Variants in NOC3L observed in about 807,000 individuals in gnomAD.
NOC3L encodes the protein nucleolar complex protein 3 homolog.
A neutral mutation model predicts 102.5 loss-of-function variants in NOC3L; 85 were observed. The observed-to-expected ratio is 0.83, with a 90% confidence interval of 0.70 to 0.99. The LOEUF is 0.99. Among genes scored for constraint, NOC3L ranks in the 50% least tolerant of loss-of-function variants. The pLI, the probability that NOC3L is intolerant of heterozygous loss-of-function variation, is 0.00. For synonymous variants in NOC3L, 303 were observed against 309.4 expected (o/e 0.98, Z 0.22); for missense variants, 878 against 914.9 (o/e 0.96, Z 0.52).
At chr10:94,348,386 G>A (rs1289813695) in intron 10 of NOC3L, among the ~76,000 whole-genome samples, 2 of 151,878 alleles carry the variant, frequency 1.3e-5, no homozygotes, top group Non-Finnish European at 2.9e-5. Context: ...AGAACAATCT[G>A]CAACCTATGT....
chr10:94,338,285 T>G (rs1468127449), intron 18 of NOC3L, among the ~76,000 whole-genome samples: 1 of 152,158 alleles, frequency 6.6e-6, no homozygotes, highest in Admixed American at 6.5e-5. Context: ...TGGATAAGAC[T>G]CAACAGAAAT....
At chr10:94,328,647 G>A (rs1021259547), downstream of NOC3L, 3 of 152,222 alleles carry the variant, frequency 2.0e-5, no homozygotes, top group African/African-American at 7.2e-5. Context: ...CTTAGAATTA[G>A]AAGCTTTGGG....
Position 94,350,124 on chromosome 10 carries a change from T to A in NOC3L, c.1117A>T (p.Met373Leu), listed in dbSNP as rs1246006069. Residue 373 changes from methionine to leucine, a missense_variant, in exon 9 of 21, where the codon ATG becomes TTG. Coordinates refer to ENST00000371361, the MANE Select transcript of NOC3L (RefSeq NM_022451.11). Reference sequence around the variant, plus strand: ...TTACAGCAACTCACCAATTTTGACATGTCATTCATGAGAGGGACAATCAAT... The same window carrying A: ...TTACAGCAACTCACCAATTTTGACAAGTCATTCATGAGAGGGACAATCAAT... ...IVLIVPLMND[M>L]SKLISEMCCE... 1.2e-6 allele frequency: 2 copies of A among 1,613,888 alleles called. No individual in the cohort carries two copies. Among genetic ancestry groups the A allele is most frequent in the Admixed American group, 1.7e-5 (1 of 59,994 alleles).
At chr10:94,349,175 T>C in intron 10 of NOC3L, 75 bp downstream of exon 10, 2 of 1,506,290 alleles carry the variant, frequency 1.3e-6, no homozygotes, top group Non-Finnish European at 8.9e-7. Flanking sequence ...TTATAAGGAA[T>C]AAATTCCTCA....
At position 94,337,830 on chromosome 10, in the gene NOC3L, GA is replaced by G. The variant is rs1473485212; in HGVS notation, c.2135del (p.Ile712ThrfsTer16). On this transcript the variant is annotated frameshift_variant, in exon 19 of 21. Coordinates refer to ENST00000371361, the MANE Select transcript of NOC3L (RefSeq NM_022451.11). LOFTEE classifies it high-confidence loss of function. Reference protein sequence around the residue: ...PIVQRFAAHLIAGAPSEGSGA... With the variant: ...PIVQRFAAHLXAGAPSEGSGA... ...CAGAGCCTTCAGAAGGTGCTCCAGC[GA>G]TCAGGTGGGCTGCAAATCTCTGCAC... 6.2e-7 allele frequency: 1 copy of G among 1,613,878 alleles called. No homozygotes were observed. The highest frequency in any genetic ancestry group is 8.5e-7 in the Non-Finnish European group (1 of 1,179,954).
chr10:94,327,234 T>C, the NOC3L span, among the ~76,000 whole-genome samples: 2 of 152,172 alleles, frequency 1.3e-5, no homozygotes, highest in Non-Finnish European at 2.9e-5. Context: ...TGTTATGACC[T>C]CCTTTACAAT....
In NOC3L at chr10:94,334,727, C is replaced by A. The variant is rs1366579395; in HGVS notation, c.2190-9G>T. ...AAAGTTCAGTAGCAGATCTAAATCA[C>A]AAACACAAAAAATGTAAAGATACCA... On this transcript the variant is annotated splice_polypyrimidine_tract_variant and intron_variant, in intron 19 of 20. Coordinates refer to ENST00000371361, the MANE Select transcript of NOC3L (RefSeq NM_022451.11). The A allele has an allele frequency of 6.3e-7, 1 of 1,595,444 alleles. No individual in the cohort carries two copies. The highest frequency in any genetic ancestry group is 8.6e-7 in the Non-Finnish European group (1 of 1,166,764).
chr10:94,358,330 C>T lies in NOC3L; in HGVS notation c.218-115G>A, dbSNP rs2054512936. 3 of 681,424 alleles carry T rather than the reference C, an allele frequency of 4.4e-6. No homozygotes were observed. In the Admixed American group the frequency reaches 6.9e-5, roughly 16 times the overall value. The allele number at this position is 681,424 out of a possible 1,614,324, so 42.2% of individuals were successfully genotyped here. A position where few individuals can be genotyped will look rare whatever the true frequency, so the allele number is the denominator to read the frequency against. On this transcript the variant is annotated intron_variant, in intron 2 of 20. Coordinates refer to ENST00000371361, the MANE Select transcript of NOC3L (RefSeq NM_022451.11). ...GCTTACGCTTTCTGAAGCAATCCTC[C>T]CACTCCAGCCTCCCAAAATGCTGGG...
chr10:94,325,189 A>G, the NOC3L span: 1 of 987,088 alleles, frequency 1.0e-6, no homozygotes, highest in Non-Finnish European at 1.6e-6. Context: ...AATGTCTTTT[A>G]TCTTTTCCAA....
chr10:94,347,278 A>C (rs932202070), intron 10 of NOC3L, among the ~76,000 whole-genome samples: 1 of 152,174 alleles, frequency 6.6e-6, no homozygotes, highest in Non-Finnish European at 1.5e-5. Flanking sequence ...ACACGGCTAA[A>C]AGCACAGAAT....
At chr10:94,351,398 C>T (rs74153309) in intron 8 of NOC3L, among the ~76,000 whole-genome samples, 2,616 of 152,216 alleles carry the variant, frequency 0.017, 96 homozygotes, top group African/African-American at 0.06. Flanking sequence ...AACTGTCTTC[C>T]CTATTCCTAC....
intron 10 of NOC3L, among the ~76,000 whole-genome samples, chr10:94,348,111 T>C (rs546037846): frequency 6.7e-6 from 1 of 149,862 alleles, no homozygotes; most frequent in Admixed American, 6.7e-5. Context: ...TCAGATTATA[T>C]CAAATATATA....
At chr10:94,315,300 T>C in the NOC3L span, 1 of 421,770 alleles carries the variant, frequency 2.4e-6, no homozygotes, top group African/African-American at 2.0e-5. Context: ...GCTCTGGGCT[T>C]TGCCTTATTG....
Position 94,344,883 on chromosome 10 carries a change from A to G in NOC3L, c.1440T>C (p.Ala480=), listed in dbSNP as rs778145296. 1.4e-5 allele frequency: 22 copies of G among 1,610,050 alleles called. No homozygotes were observed. The highest frequency in any genetic ancestry group is 1.9e-5 in the Non-Finnish European group (22 of 1,179,222). ...TAAGTTTTTTCTCAGTACTCTCTGA[A>G]GCTTCTGCCTCTCGAAGCTCTCGCT... ...KLERELREAE[A]SESTEKKLKL... is the part of the protein sequence containing the mutation. The change falls in exon 12 of 21, where the codon GCT becomes GCC. Residue 480 remains alanine (A), a synonymous_variant. Transcript: ENST00000371361.
intron 19 of NOC3L, among the ~76,000 whole-genome samples, chr10:94,337,192 G>A (rs1375828134): frequency 1.3e-5 from 2 of 152,088 alleles, no homozygotes; most frequent in East Asian, 1.9e-4. Context: ...TGGGTGTGAG[G>A]TAGATGCTGG....
chr10:94,354,932 C>T (rs2054465335), intron 6 of NOC3L, 31 bp downstream of exon 6: 1 of 1,604,486 alleles, frequency 6.2e-7, no homozygotes, highest in Non-Finnish European at 8.5e-7. Context: ...ATACCTAATA[C>T]AAAGAGCCTA....
chr10:94,349,160 T>A, intron 10 of NOC3L, 90 bp downstream of exon 10: 1 of 1,410,826 alleles, frequency 7.1e-7, no homozygotes, highest in Non-Finnish European at 9.5e-7. Context: ...TTTTACTTCA[T>A]ACACTTATAA....
At position 94,334,642 on chromosome 10, in the gene NOC3L, T is replaced by G. The variant is rs2054196546; in HGVS notation, c.2266A>C (p.Lys756Gln). The part of the protein sequence containing the change: ...FNPPVESSNP[K>Q]IKGKFLQGDS... ...TGAAAAATATCCCATACCTTTATTT[T>G]GGGGTTTGAAGATTCAACAGGAGGA... The change falls in exon 20 of 21, where the codon AAA (lysine) becomes CAA (glutamine). Residue 756 changes from lysine (K) to glutamine (Q), a missense_variant. Transcript: ENST00000371361. 1 of 1,611,692 alleles carries G rather than the reference T, an allele frequency of 6.2e-7. No homozygotes were observed. Among genetic ancestry groups the G allele is most frequent in the Admixed American group, 1.7e-5 (1 of 59,852 alleles).
At position 94,338,721 on chromosome 10, in the gene NOC3L, C is replaced by A; in HGVS notation, c.1978G>T (p.Asp660Tyr). Residue 660 changes from aspartate (D) to tyrosine (Y), a missense_variant, in exon 18 of 21, where the codon GAT (aspartate) becomes TAT (tyrosine). Physicochemically the swap from Asp to Tyr is radical, Grantham distance 160 (BLOSUM62 -3). Coordinates refer to ENST00000371361, the MANE Select transcript of NOC3L (RefSeq NM_022451.11). ...RILMHTFPKT[D>Y]LLLDSESQGS... ...TGAGATTCACTGTCAAGCAGTAGATCTGTTTTGGGGAAAGTCTGCAAAAAT... is the reference window on the plus strand; with the variant it reads ...TGAGATTCACTGTCAAGCAGTAGATATGTTTTGGGGAAAGTCTGCAAAAAT... 6.2e-7 allele frequency: 1 copy of A among 1,612,394 alleles called. No individual in the cohort carries two copies. The highest frequency in any genetic ancestry group is 8.5e-7 in the Non-Finnish European group (1 of 1,179,296).
Sources: gnomAD v4.1 joint callset for allele counts (sites outside exome capture counted in the v4.1 genomes callset) on GRCh38, gnomAD v4.1.1 for gene constraint, MANE v1.5 for transcripts, NCBI Gene and HGNC (gene_info 2026-07-23, HGNC 2026-07-21) for gene names.